The following RFWD3 variants were observed in gnomAD, a reference collection of about 807,000 sequenced individuals.
The protein encoded by RFWD3 is E3 ubiquitin-protein ligase RFWD3.
In RFWD3, 65 loss-of-function variants were observed where a neutral mutation model predicts 87.7. The observed-to-expected ratio is 0.74, with a 90% CI of 0.61 to 0.91. RFWD3 has a LOEUF of 0.91. Ranked by LOEUF, RFWD3 falls within the 40% of genes least tolerant of loss-of-function variation. The pLI is 0.00. For synonymous variants in RFWD3, 433 were observed against 352.8 expected (o/e 1.23, Z -2.55); for missense variants, 1,078 against 938.5 (o/e 1.15, Z -1.94).
At chr16:74,652,927 C>A (rs575102288) in intron 2 of RFWD3, among the ~76,000 whole-genome samples, 2 of 152,296 alleles carry the variant, frequency 1.3e-5, no homozygotes, top group South Asian at 4.1e-4. Context: ...ATGATCCACC[C>A]ACCTTGGCCT....
Position 74,636,343 on chromosome 16 carries a change from T to C in RFWD3, c.1426+3A>G, listed in dbSNP as rs1215718016. On this transcript the variant is annotated splice_donor_region_variant and intron_variant, in intron 8 of 12. Transcript: ENST00000361070. ...ATGAAAGCTGAGGTTCTAGACTCTTTACCTGGAAGAAAAGAGGCCTGAGGA... is the reference window on the plus strand; with the variant it reads ...ATGAAAGCTGAGGTTCTAGACTCTTCACCTGGAAGAAAAGAGGCCTGAGGA... The C allele has an allele frequency of 1.5e-5, 25 of 1,612,998 alleles. No individual in the cohort carries two copies. Among genetic ancestry groups the C allele is most frequent in the Non-Finnish European group, 2.1e-5 (25 of 1,178,946 alleles).
intron 6 of RFWD3, 157 bp downstream of exon 6, chr16:74,644,205 T>C: frequency 1.4e-6 from 1 of 718,872 alleles, no homozygotes; most frequent in Admixed American, 2.1e-5. Context: ...ACATGAATTA[T>C]AAATAACAGT....
intron 8 of RFWD3, among the ~76,000 whole-genome samples, chr16:74,633,231 T>G (rs1959158460): frequency 7.0e-6 from 1 of 141,938 alleles, no homozygotes; most frequent in Non-Finnish European, 1.5e-5. Flanking sequence ...GAGACAAGAT[T>G]GCACCACTAC....
intron 8 of RFWD3, among the ~76,000 whole-genome samples, chr16:74,634,173 G>C (rs1172628836): frequency 6.6e-6 from 1 of 152,002 alleles, no homozygotes; most frequent in African/African-American, 2.4e-5. Context: ...AGAAGGAATA[G>C]TGAACAATAG....
chr16:74,655,019 T>C (rs1960851617), intron 2 of RFWD3, among the ~76,000 whole-genome samples: 1 of 152,208 alleles, frequency 6.6e-6, no homozygotes, highest in African/African-American at 2.4e-5. Context: ...CAGCAAGCGC[T>C]GACATTGAAA....
chr16:74,626,668 T>C, intron 11 of RFWD3, 114 bp from the exon 12 acceptor site: 1 of 723,174 alleles, frequency 1.4e-6, no homozygotes, highest in Non-Finnish European at 2.3e-6. Context: ...ATAAATGCAT[T>C]AAACCATCAA....
At chr16:74,656,142 G>A (rs1304455447) in intron 2 of RFWD3, among the ~76,000 whole-genome samples, 1 of 151,768 alleles carries the variant, frequency 6.6e-6, no homozygotes, top group Non-Finnish European at 1.5e-5. Context: ...ACAAAAAACA[G>A]AAAAAATTAG....
intron 2 of RFWD3, among the ~76,000 whole-genome samples, chr16:74,657,472 C>CTT (rs748644319): frequency 7.6e-5 from 7 of 92,552 alleles, no homozygotes; most frequent in East Asian, 3.6e-4. Context: ...CCCAGGTTTT[C>CTT]TTTTTCTTTT....
intron 6 of RFWD3, among the ~76,000 whole-genome samples, chr16:74,639,796 G>A (rs1959473101): frequency 6.6e-6 from 1 of 152,130 alleles, no homozygotes; most frequent in African/African-American, 2.4e-5. Flanking sequence ...ATGTGAGAAA[G>A]AATTAACAAA....
At chr16:74,631,063 ACT>A (rs1959078623) in intron 9 of RFWD3, 106 bp from the exon 10 acceptor site, 4 of 976,546 alleles carry the variant, frequency 4.1e-6, no homozygotes, top group Non-Finnish European at 5.8e-6. Context: ...CTGAGAACAC[ACT>A]CATACTCCCA....
rs202130447 is a variant in RFWD3 at position 74,632,641 on chromosome 16, T to G, written c.1459A>C (p.Met487Leu). The G allele has an allele frequency of 9.6e-5, 155 of 1,614,148 alleles. 2 individuals are homozygous for G. The East Asian group carries it at 3.4e-3, about 35-fold the overall frequency. ...FGVKMLSTANMKSSQYIPMHG... is the reference protein window; with the variant it reads ...FGVKMLSTANLKSSQYIPMHG... Reference sequence around the variant, plus strand: ...ATCGGAATGTACTGACTGCTCTTCATGTTGGCAGTACTCAACATCTTAACA... The same window carrying G: ...ATCGGAATGTACTGACTGCTCTTCAGGTTGGCAGTACTCAACATCTTAACA... The change falls in exon 9 of 13, where the codon ATG becomes CTG. Residue 487 changes from methionine (M) to leucine (L), a missense_variant. Coordinates refer to ENST00000361070, the MANE Select transcript of RFWD3 (RefSeq NM_018124.4).
At chr16:74,660,649 G>A (rs998680250) in intron 2 of RFWD3, 8 of 307,108 alleles carry the variant, frequency 2.6e-5, no homozygotes, top group African/African-American at 1.5e-4. Flanking sequence ...ACTTGCAAGT[G>A]AAGAAAGAAT....
intron 6 of RFWD3, among the ~76,000 whole-genome samples, chr16:74,642,335 G>T (rs1959732564): frequency 6.6e-6 from 1 of 151,944 alleles, no homozygotes; most frequent in African/African-American, 2.4e-5. Flanking sequence ...TGCTGCTCAG[G>T]CTGGTCTCAA....
intron 4 of RFWD3, among the ~76,000 whole-genome samples, chr16:74,648,161 A>C (rs555978470): frequency 6.6e-6 from 1 of 152,162 alleles, no homozygotes; most frequent in South Asian, 2.1e-4. Flanking sequence ...TTCAACTGAT[A>C]CTTAACCTTG....
chr16:74,627,253 A>G (rs569783556), intron 11 of RFWD3, among the ~76,000 whole-genome samples: 7 of 152,324 alleles, frequency 4.6e-5, no homozygotes, highest in Middle Eastern at 3.4e-3. Flanking sequence ...GACTGTTACA[A>G]ATGTGTTTAA....
chr16:74,646,594 T>C (rs890464077), intron 4 of RFWD3, among the ~76,000 whole-genome samples: 1 of 152,094 alleles, frequency 6.6e-6, no homozygotes, highest in African/African-American at 2.4e-5. Flanking sequence ...GAGACCATCC[T>C]GGCTGACATG....
chr16:74,638,518 T>A (rs1959347467), intron 6 of RFWD3, among the ~76,000 whole-genome samples: 1 of 152,146 alleles, frequency 6.6e-6, no homozygotes, highest in Non-Finnish European at 1.5e-5. Context: ...TGTATGTACC[T>A]AAAAACAGTC....
intron 11 of RFWD3, among the ~76,000 whole-genome samples, chr16:74,626,809 G>C (rs1213633402): frequency 1.8e-5 from 1 of 55,270 alleles, no homozygotes; most frequent in African/African-American, 7.6e-5. Context: ...TTGCTTAAGA[G>C]AAAAACAATT....
chr16:74,637,061 G>A (rs1270097701), intron 7 of RFWD3, among the ~76,000 whole-genome samples: 1 of 144,386 alleles, frequency 6.9e-6, no homozygotes, highest in Non-Finnish European at 1.5e-5. Flanking sequence ...GAAATAAGGA[G>A]AGCACAGAAT....
Sources: gnomAD v4.1 joint callset for allele counts (sites outside exome capture counted in the v4.1 genomes callset) on GRCh38, gnomAD v4.1.1 for gene constraint, MANE v1.5 for transcripts, NCBI Gene and HGNC (gene_info 2026-07-23, HGNC 2026-07-21) for gene names.